The following SEL1L variants were observed in gnomAD, a reference collection of about 807,000 sequenced individuals.
The protein encoded by SEL1L is protein sel-1 homolog 1.
In SEL1L, 52 loss-of-function variants were observed where a neutral mutation model predicts 109.8. That is an observed-to-expected ratio of 0.47 (90% CI 0.38 to 0.60). The LOEUF (loss-of-function observed/expected upper bound fraction) is 0.60, where lower values mean the gene tolerates loss of function less well. SEL1L is among the 20% of genes least tolerant of loss of function. The pLI, the probability that SEL1L is intolerant of heterozygous loss-of-function variation, is 0.00. For synonymous variants in SEL1L, 373 were observed against 339.6 expected (o/e 1.10, Z -1.08); for missense variants, 749 against 962.2 (o/e 0.78, Z 2.93).
Position 81,520,120 on chromosome 14 carries a change from C to T in SEL1L, c.340+6613G>A, listed in dbSNP as rs543176267. On this transcript the variant is annotated intron_variant, in intron 3 of 20. Coordinates refer to ENST00000336735, the MANE Select transcript of SEL1L (RefSeq NM_005065.6). ...AGTTTCAAAGTAACTGTCACATAAC[C>T]CAGTTCTAGTGTAGCTGGAACTGTA... Among the ~76,000 whole-genome samples the T allele has an allele frequency of 9.3e-4, 141 of 152,178 alleles. 2 individuals are homozygous for T. The South Asian group carries it at 0.029, about 31-fold the overall frequency.
intron 6 of SEL1L, among the ~76,000 whole-genome samples, chr14:81,501,142 T>A (rs915849952): frequency 6.6e-6 from 1 of 152,190 alleles, no homozygotes; most frequent in African/African-American, 2.4e-5. Context: ...TAGCAATCAG[T>A]GTAGCTACAT....
In SEL1L at chr14:81,477,052, T is replaced by C; in HGVS notation, c.2305A>G (p.Met769Val). ...IAYRQRQHQD[M>V]PAPRPPGPRP... ...GGCCCTGGAGGCCTGGGTGCAGGCA[T>C]GTCTTGGTGCTGCCTTTGCCTGTAA... Residue 769 changes from methionine (M) to valine (V), a missense_variant, in exon 21 of 21, where the codon ATG becomes GTG. By Grantham distance (21) the Met-to-Val change is conservative (BLOSUM62 1). Around this residue, in one of 2 missense-constraint regions of SEL1L, gnomAD observed 383 missense variants for 562.5 expected, o/e 0.68. Transcript: ENST00000336735. The C allele has an allele frequency of 6.2e-7, 1 of 1,614,198 alleles. No individual in the cohort carries two copies. Among genetic ancestry groups the C allele is most frequent in the Middle Eastern group, 1.6e-4 (1 of 6,062 alleles).
At chr14:81,511,127 A>C (rs1046264497) in intron 3 of SEL1L, among the ~76,000 whole-genome samples, 1 of 152,236 alleles carries the variant, frequency 6.6e-6, no homozygotes, top group African/African-American at 2.4e-5. Flanking sequence ...AAAACTGCTA[A>C]ATAAGGTCTA....
intron 9 of SEL1L, 37 bp from the exon 10 acceptor site, chr14:81,498,083 A>T: frequency 1.1e-5 from 17 of 1,584,612 alleles, no homozygotes; most frequent in Non-Finnish European, 1.4e-5. Flanking sequence ...GTGGAGGAAA[A>T]TCAGAAGAAT....
chr14:81,476,940 C>T lies in SEL1L; in HGVS notation c.*32G>A. 9 of 1,607,026 alleles carry T rather than the reference C, an allele frequency of 5.6e-6. No homozygotes were observed. The highest frequency in any genetic ancestry group is 7.7e-6 in the Non-Finnish European group (9 of 1,174,592). On this transcript the variant is annotated 3_prime_UTR_variant, in exon 21 of 21. Transcript: ENST00000336735. Reference sequence around the variant, plus strand: ...TGTTCCCAGCAGATAACTTCCTTCGCTGTCACTGATCAAGGCTGGACCCAG... The same window carrying T: ...TGTTCCCAGCAGATAACTTCCTTCGTTGTCACTGATCAAGGCTGGACCCAG...
intron 3 of SEL1L, among the ~76,000 whole-genome samples, chr14:81,525,090 T>A (rs1027904562): frequency 1.2e-4 from 19 of 152,074 alleles, no homozygotes; most frequent in Non-Finnish European, 2.5e-4. Context: ...CACAGAGATG[T>A]AAAAGCACAT....
intron 5 of SEL1L, among the ~76,000 whole-genome samples, chr14:81,503,133 C>T (rs961776861): frequency 6.6e-6 from 1 of 152,108 alleles, no homozygotes; most frequent in Non-Finnish European, 1.5e-5. Context: ...GCTGAGATTA[C>T]AGGCGTGCGC....
chr14:81,521,993 G>C (rs1230104240), intron 3 of SEL1L, among the ~76,000 whole-genome samples: 1 of 151,912 alleles, frequency 6.6e-6, no homozygotes, highest in Non-Finnish European at 1.5e-5. Flanking sequence ...GTTTGTCTTA[G>C]TTTTTAACAA....
chr14:81,477,214 C>A, intron 20 of SEL1L, 33 bp from the exon 21 acceptor site: 1 of 1,529,132 alleles, frequency 6.5e-7, no homozygotes, highest in East Asian at 2.3e-5. Context: ...CCATTATTAT[C>A]ACTAAAATGT....
chr14:81,478,148 C>T (rs1903227626), intron 20 of SEL1L, among the ~76,000 whole-genome samples: 1 of 151,990 alleles, frequency 6.6e-6, no homozygotes, highest in Admixed American at 6.6e-5. Context: ...AGAAAGTAAA[C>T]ATGGGGTATA....
chr14:81,503,367 T>C (rs965916130), intron 5 of SEL1L, among the ~76,000 whole-genome samples: 2 of 151,990 alleles, frequency 1.3e-5, no homozygotes, highest in African/African-American at 4.8e-5. Context: ...AGACAAGGTC[T>C]TCCTCTGTTG....
At chr14:81,494,251 C>T (rs1883655260) in intron 11 of SEL1L, among the ~76,000 whole-genome samples, 1 of 152,138 alleles carries the variant, frequency 6.6e-6, no homozygotes, top group Non-Finnish European at 1.5e-5. Context: ...ACTTATATCC[C>T]ATCCATCCCT....
intron 3 of SEL1L, among the ~76,000 whole-genome samples, chr14:81,524,012 T>A (rs979242620): frequency 6.6e-6 from 1 of 152,246 alleles, no homozygotes. Flanking sequence ...CAAATTTTCA[T>A]TTCACAACAG....
intron 19 of SEL1L, among the ~76,000 whole-genome samples, chr14:81,483,674 A>G (rs1903428909): frequency 6.6e-6 from 1 of 152,220 alleles, no homozygotes; most frequent in Admixed American, 6.5e-5. Context: ...ATTTTATTTA[A>G]AAATGTTAAT....
In SEL1L at chr14:81,507,843, G is replaced by A. The variant is rs1162833415; in HGVS notation, c.341-1602C>T. Among the ~76,000 whole-genome samples the A allele has an allele frequency of 3.3e-5, 5 of 152,242 alleles. No individual in the cohort carries two copies. The East Asian group carries it at 7.7e-4, about 24-fold the overall frequency. On this transcript the variant is annotated intron_variant, in intron 3 of 20. Transcript: ENST00000336735. ...TTGCTTTTACATGGAGAATTTAATT[G>A]GGTAGCAGAGCTCGGTCATGAAGGG...
Position 81,498,011 on chromosome 14 carries a change from C to T in SEL1L, c.1009G>A (p.Val337Ile). Residue 337 changes from valine (V) to isoleucine (I), a missense_variant, in exon 10 of 21, where the codon GTA becomes ATA. Val to Ile is a conservative substitution (Grantham distance 29, BLOSUM62 3). This residue lies in a region of SEL1L where 366 missense variants were observed against 399.8 expected (regional missense o/e 0.92). Coordinates refer to ENST00000336735, the MANE Select transcript of SEL1L (RefSeq NM_005065.6). ...SDISLTGGSVVQRIRLPDEVE... is the reference protein window; with the variant it reads ...SDISLTGGSVIQRIRLPDEVE... Reference sequence around the variant, plus strand: ...TCATCAGGCAGCCGTATTCTCTGTACTACTGAGCCTCCTGTTAGCGAGATA... The same window carrying T: ...TCATCAGGCAGCCGTATTCTCTGTATTACTGAGCCTCCTGTTAGCGAGATA... 6.2e-7 allele frequency: 1 copy of T among 1,613,762 alleles called. No homozygotes were observed. Among genetic ancestry groups the T allele is most frequent in the Non-Finnish European group, 8.5e-7 (1 of 1,179,882 alleles).
rs1398957665 is a variant in SEL1L at position 81,475,496 on chromosome 14, A to C, written c.*1476T>G. ...CAACTCTACAAGCAATAAACTTTTC[A>C]AGTTTTCTGGCAGATGAGGGATTCT... On this transcript the variant is annotated 3_prime_UTR_variant, in exon 21 of 21. Coordinates refer to ENST00000336735, the MANE Select transcript of SEL1L (RefSeq NM_005065.6). The C allele has an allele frequency of 6.6e-6, 1 of 152,398 alleles. No individual in the cohort carries two copies. Among genetic ancestry groups the C allele is most frequent in the Non-Finnish European group, 1.5e-5 (1 of 68,046 alleles). 9.4% of individuals were successfully genotyped at this position (152,398 alleles called of 1,614,324 possible).
intron 3 of SEL1L, among the ~76,000 whole-genome samples, chr14:81,521,407 A>G (rs1884901818): frequency 6.6e-6 from 1 of 152,244 alleles, no homozygotes; most frequent in African/African-American, 2.4e-5. Context: ...CAAAGGAATG[A>G]TTACCAATGG....
chr14:81,487,333 G>C (rs1903551070), intron 16 of SEL1L, 57 bp downstream of exon 16: 3 of 1,490,762 alleles, frequency 2.0e-6, no homozygotes, highest in Non-Finnish European at 2.7e-6. Context: ...TGAAAGCGCA[G>C]ACTTTCCTGC....
Sources: allele counts gnomAD v4.1 joint callset (sites outside exome capture counted in the v4.1 genomes callset), GRCh38; gene constraint gnomAD v4.1.1; regional missense constraint gnomAD v4.1.1; transcripts MANE v1.5; gene names NCBI Gene and HGNC (gene_info 2026-07-23, HGNC 2026-07-21).